Variants in SH3RF3 observed in about 807,000 individuals in gnomAD.
SH3RF3 encodes E3 ubiquitin-protein ligase SH3RF3.
A neutral mutation model predicts 66.3 loss-of-function variants in SH3RF3; 29 were observed. That is an observed-to-expected ratio of 0.44 (90% CI 0.33 to 0.60). The LOEUF (loss-of-function observed/expected upper bound fraction) is 0.60. Ranked by LOEUF, SH3RF3 falls within the 20% of genes least tolerant of loss-of-function variation. The probability of loss-of-function intolerance (pLI) is 0.04; values close to 1 mark genes in which losing one functional copy is unlikely to be tolerated. For missense variants in SH3RF3, 1,194 were observed against 1,190.9 expected (o/e 1.00, Z -0.04); for synonymous variants, 583 against 532.0 (o/e 1.10, Z -1.32).
chr2:109,404,888 T>A (rs72945311), intron 4 of SH3RF3, among the ~76,000 whole-genome samples: 1 of 152,100 alleles, frequency 6.6e-6, no homozygotes, highest in African/African-American at 2.4e-5. Context: ...CACTTGACGC[T>A]GTGGACAGCA....
intron 3 of SH3RF3, among the ~76,000 whole-genome samples, chr2:109,389,074 G>C (rs565298873): frequency 2.0e-5 from 3 of 152,338 alleles, no homozygotes; most frequent in African/African-American, 7.2e-5. Context: ...ACAAGCCAGG[G>C]TAAGTTCAGG....
At chr2:109,142,202 G>A (rs987233871) in intron 1 of SH3RF3, among the ~76,000 whole-genome samples, 4 of 152,138 alleles carry the variant, frequency 2.6e-5, no homozygotes, top group Admixed American at 6.5e-5. Flanking sequence ...GGACTCTTGC[G>A]CCTTTGTGAC....
At chr2:109,380,322 C>T (rs1468306078) in intron 3 of SH3RF3, among the ~76,000 whole-genome samples, 3 of 152,134 alleles carry the variant, frequency 2.0e-5, no homozygotes, top group Non-Finnish European at 4.4e-5. Flanking sequence ...GTTTTGTCTC[C>T]CTAAGCCCCT....
intron 8 of SH3RF3, among the ~76,000 whole-genome samples, chr2:109,467,395 G>A (rs1678381655): frequency 6.6e-6 from 1 of 152,366 alleles, no homozygotes; most frequent in Non-Finnish European, 1.5e-5. Context: ...AGCCACTGGA[G>A]GGTCCCGTGT....
intron 4 of SH3RF3, among the ~76,000 whole-genome samples, chr2:109,417,241 C>T (rs768341348): frequency 2.0e-5 from 3 of 152,162 alleles, no homozygotes; most frequent in Non-Finnish European, 2.9e-5. Flanking sequence ...CTTCTCCCTC[C>T]CTTGGGGTGT....
At chr2:109,177,553 G>T (rs746861118) in intron 1 of SH3RF3, among the ~76,000 whole-genome samples, 2 of 152,162 alleles carry the variant, frequency 1.3e-5, no homozygotes, top group South Asian at 2.1e-4. Flanking sequence ...CTGCTCTGGG[G>T]GGGGGCACCA....
chr2:109,257,924 T>A (rs572673222), intron 1 of SH3RF3, among the ~76,000 whole-genome samples: 1 of 152,050 alleles, frequency 6.6e-6, no homozygotes, highest in South Asian at 2.1e-4. Context: ...GGGCTCAGAA[T>A]GAATTAGACC....
At chr2:109,497,724 G>A (rs902337509) in intron 9 of SH3RF3, among the ~76,000 whole-genome samples, 1 of 152,190 alleles carries the variant, frequency 6.6e-6, no homozygotes, top group South Asian at 2.1e-4. Flanking sequence ...CACTTGTCTC[G>A]TATAAATTCA....
At chr2:109,420,986 C>T (rs1279978203) in intron 5 of SH3RF3, among the ~76,000 whole-genome samples, 1 of 152,170 alleles carries the variant, frequency 6.6e-6, no homozygotes, top group African/African-American at 2.4e-5. Flanking sequence ...AGGCTACTTC[C>T]AGATGCCTTG....
At chr2:109,158,612 T>A (rs1229723973) in intron 1 of SH3RF3, among the ~76,000 whole-genome samples, 4 of 152,216 alleles carry the variant, frequency 2.6e-5, no homozygotes, top group Admixed American at 2.6e-4. Context: ...AAGGCTTGTG[T>A]CTCAGGACTT....
Position 109,337,498 on chromosome 2 carries a change from C to T in SH3RF3, c.574-10176C>T, listed in dbSNP as rs139019581. Among the ~76,000 whole-genome samples, 418 of 152,282 alleles carry T rather than the reference C, an allele frequency of 2.7e-3. 3 individuals carry two copies. The highest frequency in any genetic ancestry group is 9.4e-3 in the African/African-American group (389 of 41,546). On this transcript the variant is annotated intron_variant, in intron 1 of 9. Transcript: ENST00000309415. ...TGATAAGGGACTGTGCAGGCAAGGG[C>T]GGGAGTCCTGGAGGCACCCCCGGTC...
chr2:109,419,456 G>A (rs1424474771), intron 4 of SH3RF3, 83 bp from the exon 5 acceptor site: 1 of 1,389,518 alleles, frequency 7.2e-7, no homozygotes, highest in African/African-American at 1.4e-5. Context: ...AGGCACCTGT[G>A]GATGCAGCCT....
intron 4 of SH3RF3, among the ~76,000 whole-genome samples, chr2:109,415,067 A>G (rs1676686373): frequency 1.3e-5 from 2 of 152,170 alleles, no homozygotes; most frequent in Admixed American, 1.3e-4. Context: ...GAGGCTAGAG[A>G]GAGGAAGACG....
intron 1 of SH3RF3, among the ~76,000 whole-genome samples, chr2:109,301,482 G>A (rs1681467895): frequency 6.6e-6 from 1 of 152,122 alleles, no homozygotes; most frequent in Non-Finnish European, 1.5e-5. Flanking sequence ...AGGTGTCTGA[G>A]GATGGAGAGG....
chr2:109,342,381 G>C (rs1025590745), intron 1 of SH3RF3, among the ~76,000 whole-genome samples: 1 of 152,214 alleles, frequency 6.6e-6, no homozygotes, highest in East Asian at 1.9e-4. Flanking sequence ...TATATGGAGC[G>C]TATGATCTGT....
At chr2:109,282,601 C>T (rs1680923298) in intron 1 of SH3RF3, among the ~76,000 whole-genome samples, 1 of 152,218 alleles carries the variant, frequency 6.6e-6, no homozygotes, top group East Asian at 1.9e-4. Context: ...CGCACAGAGC[C>T]AATGCACGCA....
intron 2 of SH3RF3, among the ~76,000 whole-genome samples, chr2:109,365,937 A>G (rs1298604978): frequency 1.2e-4 from 18 of 152,238 alleles, no homozygotes; most frequent in African/African-American, 4.8e-5. Context: ...TCAGAGTGGA[A>G]ATATACATGT....
chr2:109,466,801 A>G (rs1259040129), intron 8 of SH3RF3, among the ~76,000 whole-genome samples: 1 of 151,782 alleles, frequency 6.6e-6, no homozygotes, highest in African/African-American at 2.4e-5. Context: ...GTGTATCTAT[A>G]TGTGTGTATG....
chr2:109,386,277 G>A lies in SH3RF3; in HGVS notation c.946-12313G>A, dbSNP rs571428001. Reference sequence around the variant, plus strand: ...CTAGCCCCTGTGGATCTCCCTATCCGTTAGAGACGCATATGGAGCATGTAC... The same window carrying A: ...CTAGCCCCTGTGGATCTCCCTATCCATTAGAGACGCATATGGAGCATGTAC... On this transcript the variant is annotated intron_variant, in intron 3 of 9. Transcript: ENST00000309415. Among the ~76,000 whole-genome samples the A allele has an allele frequency of 4.7e-4, 71 of 152,306 alleles. 1 individual carries two copies. Among genetic ancestry groups the A allele is most frequent in the Admixed American group, 4.1e-3 (62 of 15,300 alleles).
Sources: gnomAD v4.1 joint callset for allele counts (sites outside exome capture counted in the v4.1 genomes callset) on GRCh38, gnomAD v4.1.1 for gene constraint, MANE v1.5 for transcripts, NCBI Gene and HGNC (gene_info 2026-07-23, HGNC 2026-07-21) for gene names.